PPIH: variants seen among roughly 807,000 people sequenced by gnomAD.
PPIH encodes peptidylprolyl isomerase H.
PPIH carries 16 observed loss-of-function variants against 27.6 expected under a neutral mutation model. That is an observed-to-expected ratio of 0.58 (90% CI 0.39 to 0.88). The LOEUF (loss-of-function observed/expected upper bound fraction) is 0.88. Ranked by LOEUF, PPIH falls within the 40% of genes least tolerant of loss-of-function variation. The pLI, the probability that PPIH is intolerant of heterozygous loss-of-function variation, is 0.00. For missense variants in PPIH, 155 were observed against 224.1 expected (o/e 0.69, Z 1.97); for synonymous variants, 63 against 76.1 (o/e 0.83, Z 0.90).
intron 4 of PPIH, among the ~76,000 whole-genome samples, 156 bp from the exon 5 acceptor site, chr1:42,660,706 A>G (rs932787201): frequency 1.3e-5 from 2 of 152,252 alleles, no homozygotes; most frequent in African/African-American, 4.8e-5. Context: ...CTGGGATTAC[A>G]GGCGTGAGCT....
Position 42,667,433 on chromosome 1 carries a change from T to G in PPIH, c.*14T>G. 1.3e-6 allele frequency: 2 copies of G among 1,574,338 alleles called. No homozygotes were observed. Among genetic ancestry groups the G allele is most frequent in the Non-Finnish European group, 1.7e-6 (2 of 1,143,924 alleles). ...GGGGAGATGTAGTCCAGACAAAGAC[T>G]GAATCAGGTAAGTGTGTCTTTCTCC... On this transcript the variant is annotated 3_prime_UTR_variant, in exon 9 of 10. Transcript: ENST00000304979.
downstream of PPIH, among the ~76,000 whole-genome samples, chr1:42,677,579 T>G (rs1028245057): frequency 4.6e-5 from 7 of 152,156 alleles, no homozygotes; most frequent in East Asian, 1.3e-3. Context: ...AAGCCTGAGG[T>G]GGGAGAATCA....
At chr1:42,677,429 G>A (rs1242064550), downstream of PPIH, among the ~76,000 whole-genome samples, 4 of 152,256 alleles carry the variant, frequency 2.6e-5, no homozygotes, top group East Asian at 1.9e-4. Flanking sequence ...CCGAGATCGC[G>A]CCACTGCACT....
intron 1 of PPIH, 28 bp from the exon 2 acceptor site, chr1:42,658,816 C>T: frequency 4.3e-6 from 7 of 1,613,058 alleles, no homozygotes; most frequent in Non-Finnish European, 5.9e-6. Context: ...TTGGACTGGG[C>T]CTTCTGACAC....
intron 5 of PPIH, among the ~76,000 whole-genome samples, chr1:42,661,955 T>C (rs116312539): frequency 0.014 from 2,149 of 152,288 alleles, 63 homozygotes; most frequent in African/African-American, 0.049. Flanking sequence ...ACTGGTCCCT[T>C]TGGACATGGC....
At chr1:42,664,832 A>G in intron 5 of PPIH, 31 bp from the exon 6 acceptor site, 9 of 1,571,842 alleles carry the variant, frequency 5.7e-6, no homozygotes, top group Middle Eastern at 1.7e-4. Flanking sequence ...CAACACTCCA[A>G]GTCACTAATA....
At chr1:42,673,388 T>C (rs977496115) in intron 9 of PPIH, among the ~76,000 whole-genome samples, 2 of 152,222 alleles carry the variant, frequency 1.3e-5, no homozygotes, top group African/African-American at 4.8e-5. Context: ...GCTACTTACA[T>C]GGACATGGGA....
intron 9 of PPIH, among the ~76,000 whole-genome samples, chr1:42,676,147 T>C (rs74068500): frequency 0.043 from 6,484 of 152,206 alleles, 187 homozygotes; most frequent in African/African-American, 0.069. Context: ...TTCTACCCTT[T>C]TGGGAAAAGA....
Position 42,658,993 on chromosome 1 carries a change from G to C in PPIH, c.131+85G>C, listed in dbSNP as rs1019280339. 7 of 1,469,272 alleles carry C rather than the reference G, an allele frequency of 4.8e-6. No individual in the cohort carries two copies. In the Admixed American group the frequency reaches 8.8e-5, roughly 19 times the overall value. 91.0% of individuals were successfully genotyped at this position (1,469,272 alleles called of 1,614,324 possible). On this transcript the variant is annotated intron_variant, in intron 2 of 9. Transcript: ENST00000304979. ...CGCCTGAAATAGCCTGTCTACCTCTGTCCGTCCGCTCACTGCTCTTGAGAC... is the reference window on the plus strand; with the variant it reads ...CGCCTGAAATAGCCTGTCTACCTCTCTCCGTCCGCTCACTGCTCTTGAGAC...
intron 9 of PPIH, among the ~76,000 whole-genome samples, chr1:42,674,408 C>T (rs556920894): frequency 3.0e-4 from 45 of 152,282 alleles, no homozygotes; most frequent in African/African-American, 1.1e-3. Flanking sequence ...ATATGAAAAG[C>T]AAATGGTGAG....
chr1:42,679,272 C>T (rs1477865981), downstream of PPIH, among the ~76,000 whole-genome samples: 1 of 152,232 alleles, frequency 6.6e-6, no homozygotes, highest in Non-Finnish European at 1.5e-5. Flanking sequence ...TCACTGTAAC[C>T]TCCGCCTCCC....
At chr1:42,669,837 A>T (rs369041695) in intron 9 of PPIH, among the ~76,000 whole-genome samples, 2 of 152,112 alleles carry the variant, frequency 1.3e-5, no homozygotes, top group East Asian at 1.9e-4. Flanking sequence ...TGGAGCTAAG[A>T]TCATTTTTCT....
At chr1:42,660,421 G>GT (rs1422895092) in intron 4 of PPIH, among the ~76,000 whole-genome samples, 2 of 151,564 alleles carry the variant, frequency 1.3e-5, no homozygotes, top group Non-Finnish European at 2.9e-5. Context: ...TAATCTTCAG[G>GT]TTTTTTTTGT....
rs530038698 is a variant in PPIH, at chr1:42,658,755, G to A, written c.67-89G>A. The A allele has an allele frequency of 1.8e-5, 26 of 1,439,688 alleles. No individual in the cohort carries two copies. In the African/African-American group the frequency reaches 3.5e-4, roughly 19 times the overall value. The allele number at this position is 1,439,688 out of a possible 1,614,324, so 89.2% of individuals were successfully genotyped here. A position where few individuals can be genotyped will look rare whatever the true frequency, so the allele number is the denominator to read the frequency against. On this transcript the variant is annotated intron_variant, in intron 1 of 9. Transcript: ENST00000304979. ...CGGAGGTGGGAGATACCGAGCGGCA[G>A]GGTGGTGGGTCAGCCCATCATGCCC...
intron 9 of PPIH, among the ~76,000 whole-genome samples, chr1:42,670,888 C>T (rs1434296281): frequency 3.3e-5 from 5 of 152,162 alleles, no homozygotes; most frequent in Admixed American, 6.5e-5. Context: ...CTCTACCTCC[C>T]GGGTTCAAGC....
At chr1:42,659,666 T>C (rs923404183) in intron 4 of PPIH, 100 bp downstream of exon 4, 121 of 1,499,112 alleles carry the variant, frequency 8.1e-5, no homozygotes, top group Middle Eastern at 2.5e-4. Context: ...TTCTTACATT[T>C]CTTGAGAAGA....
chr1:42,660,368 T>C (rs1648938731), intron 4 of PPIH, among the ~76,000 whole-genome samples: 2 of 152,200 alleles, frequency 1.3e-5, no homozygotes, highest in African/African-American at 4.8e-5. Flanking sequence ...AAATCCTTTT[T>C]TATGGTTAAT....
intron 9 of PPIH, among the ~76,000 whole-genome samples, chr1:42,673,310 T>C (rs1649735941): frequency 1.3e-5 from 2 of 152,338 alleles, no homozygotes; most frequent in South Asian, 4.1e-4. Context: ...ATGATGAATT[T>C]GGTTATGTAT....
rs142436431 is a variant in PPIH, at chr1:42,666,023, C to T, written c.380C>T (p.Thr127Ile). 4.5e-4 allele frequency: 730 copies of T among 1,614,188 alleles called. 1 individual carries two copies. Among genetic ancestry groups the T allele is most frequent in the Admixed American group, 1.9e-3 (115 of 60,032 alleles). ...ACAAATGGCTGTCAGTTCTTTATCA[C>T]CTGCTCTAAGTGCGATTGGCTGGAT... is the stretch of plus-strand genomic sequence containing the variant. Reference protein sequence around the residue: ...PSTNGCQFFITCSKCDWLDGK... With the variant: ...PSTNGCQFFIICSKCDWLDGK... Residue 127 changes from threonine (T) to isoleucine (I), a missense_variant, in exon 7 of 10, where the codon ACC (threonine) becomes ATC (isoleucine). Physicochemically the swap from Thr to Ile is moderately conservative, Grantham distance 89 (BLOSUM62 -1). Transcript: ENST00000304979.
Sources: allele counts gnomAD v4.1 joint callset (sites outside exome capture counted in the v4.1 genomes callset), GRCh38; gene constraint gnomAD v4.1.1; transcripts MANE v1.5; gene names NCBI Gene and HGNC (gene_info 2026-07-23, HGNC 2026-07-21).